The following ELF2 variants were observed in gnomAD, a reference collection of about 807,000 sequenced individuals.
ELF2 encodes E74 like ETS transcription factor 2.
In ELF2, 11 loss-of-function variants were observed where a neutral mutation model predicts 54.8. That is an observed-to-expected ratio of 0.20 (90% CI 0.13 to 0.33). ELF2 has a LOEUF of 0.33. Ranked by LOEUF, ELF2 falls within the 10% of genes least tolerant of loss-of-function variation. The probability of loss-of-function intolerance (pLI) is 1.00; values close to 1 mark genes in which losing one functional copy is unlikely to be tolerated. For synonymous variants in ELF2, 203 were observed against 245.1 expected, an observed-to-expected ratio of 0.83 and a Z score of 1.61; for missense variants, 513 against 703.0, an observed-to-expected ratio of 0.73 and a Z score of 3.06.
At chr4:139,118,585 A>T (rs2148824135) in intron 4 of ELF2, among the ~76,000 whole-genome samples, 1 of 152,336 alleles carries the variant, frequency 6.6e-6, no homozygotes, top group South Asian at 2.1e-4. Flanking sequence ...CCGAAATCTG[A>T]TAAAGAGCTT....
At chr4:139,078,597 T>A (rs1730645851) in intron 4 of ELF2, among the ~76,000 whole-genome samples, 1 of 150,256 alleles carries the variant, frequency 6.7e-6, no homozygotes, top group Non-Finnish European at 1.5e-5. Flanking sequence ...TTTTACACTC[T>A]CGGAGGGGGA....
chr4:139,157,214 G>C (rs1402371694), intron 1 of ELF2, among the ~76,000 whole-genome samples: 2 of 152,156 alleles, frequency 1.3e-5, no homozygotes, highest in East Asian at 3.8e-4. Context: ...ACAATGGAAA[G>C]TATTTGTGTA....
intron 4 of ELF2, among the ~76,000 whole-genome samples, chr4:139,082,185 A>C (rs574705631): frequency 3.9e-4 from 60 of 152,324 alleles, no homozygotes; most frequent in African/African-American, 1.4e-3. Context: ...TTTGATGCAA[A>C]GGCATTCTAA....
intron 4 of ELF2, among the ~76,000 whole-genome samples, chr4:139,120,154 C>G (rs2148826106): frequency 6.6e-6 from 1 of 152,334 alleles, no homozygotes; most frequent in African/African-American, 2.4e-5. Flanking sequence ...TATTACCAAA[C>G]TTATCTGCTT....
At chr4:139,101,954 C>T (rs1176900556) in intron 4 of ELF2, 1 of 150,352 alleles carries the variant, frequency 6.7e-6, no homozygotes, top group Non-Finnish European at 1.5e-5. Flanking sequence ...TAGATACTAA[C>T]TATAGACCAA....
intron 6 of ELF2, among the ~76,000 whole-genome samples, chr4:139,069,844 A>G (rs1168461953): frequency 1.4e-5 from 2 of 146,316 alleles, no homozygotes; most frequent in African/African-American, 2.4e-5. Context: ...GAATGGTTAC[A>G]TGTATTTTTT....
At chr4:139,172,882 CGGGGGGGGGGGGGG>C (rs59019279) in intron 1 of ELF2, among the ~76,000 whole-genome samples, 17 of 51,214 alleles carry the variant, frequency 3.3e-4, no homozygotes, top group South Asian at 1.3e-3. Context: ...ACACAGATAA[CGGGGGGGGGGGGGG>C]GGGGGGGGGC....
rs994639154 is a variant in ELF2, at chr4:139,092,714, T to G, written c.239-19147A>C. On this transcript the variant is annotated intron_variant, in intron 4 of 9. Transcript: ENST00000686138. ...TACTCGGGAGGCTGAGGCAGAAGAA[T>G]GGCGTGAACCTGGGAGGCGGAGCTT... Among the ~76,000 whole-genome samples, 5 of 151,824 alleles carry G rather than the reference T, an allele frequency of 3.3e-5. No individual in the cohort carries two copies. The East Asian group carries it at 5.9e-4, about 18-fold the overall frequency.
At chr4:139,124,616 T>C (rs1736720953) in intron 4 of ELF2, among the ~76,000 whole-genome samples, 1 of 152,168 alleles carries the variant, frequency 6.6e-6, no homozygotes. Flanking sequence ...GAATTATAGA[T>C]ACTAATCTCC....
chr4:139,076,668 GT>G (rs756033561), intron 4 of ELF2, among the ~76,000 whole-genome samples: 4 of 151,888 alleles, frequency 2.6e-5, no homozygotes, highest in Admixed American at 1.3e-4. Flanking sequence ...AATTTTACCA[GT>G]TTTTTTAATG....
intron 7 of ELF2, among the ~76,000 whole-genome samples, chr4:139,064,238 G>A (rs1298089322): frequency 1.3e-5 from 2 of 152,222 alleles, no homozygotes; most frequent in African/African-American, 4.8e-5. Flanking sequence ...AACCCAGGAG[G>A]CGGATGTTGC....
intron 4 of ELF2, among the ~76,000 whole-genome samples, chr4:139,081,002 CTTATT>C: frequency 6.7e-6 from 1 of 150,046 alleles, no homozygotes; most frequent in Non-Finnish European, 1.5e-5. Flanking sequence ...TTCCAAGCCA[CTTATT>C]TTAGAGCTTT....
intron 1 of ELF2, among the ~76,000 whole-genome samples, chr4:139,168,899 A>G (rs1017402067): frequency 2.6e-5 from 4 of 152,228 alleles, no homozygotes; most frequent in East Asian, 1.9e-4. Context: ...AAGGGGGAAA[A>G]GTGAAAGTTG....
intron 4 of ELF2, chr4:139,115,297 T>C (rs1352207409): frequency 3.8e-6 from 6 of 1,587,826 alleles, no homozygotes; most frequent in Non-Finnish European, 5.1e-6. Context: ...AGTAGACGCG[T>C]GGTCCTGGGC....
At position 139,074,265 on chromosome 4, in the gene ELF2, G is replaced by A. The variant is rs534902078; in HGVS notation, c.239-698C>T. On this transcript the variant is annotated intron_variant, in intron 4 of 9. Transcript: ENST00000686138. ...TTGTGGGAAGGGAGGAAGGGTCAGG[G>A]AGAGGCTGGTTGTAGATTAAAAACC... Among the ~76,000 whole-genome samples the A allele has an allele frequency of 2.0e-5, 3 of 152,312 alleles. No individual in the cohort carries two copies. In the South Asian group the frequency reaches 6.2e-4, roughly 32 times the overall value.
At chr4:139,093,896 CTTTTT>C in intron 4 of ELF2, among the ~76,000 whole-genome samples, 1 of 83,510 alleles carries the variant, frequency 1.2e-5, no homozygotes, top group South Asian at 4.7e-4. Context: ...TGACTAACAT[CTTTTT>C]TTTTTTTTTT....
Position 139,067,764 on chromosome 4 carries a change from C to T in ELF2, c.533G>A (p.Arg178His), listed in dbSNP as rs374292731. Residue 178 changes from arginine to histidine, a missense_variant, in exon 7 of 10, where the codon CGT becomes CAT. Coordinates refer to ENST00000686138, the MANE Select transcript of ELF2 (RefSeq NM_001331036.3). Reference sequence around the variant, plus strand: ...TGGTGATTGCTGGGTCTTTGGTTTACGGCCAACTGAAAAAATAAGATATTG... The same window carrying T: ...TGGTGATTGCTGGGTCTTTGGTTTATGGCCAACTGAAAAAATAAGATATTG... ...HEPMKKKKVG[R>H]KPKTQQSPIS... The T allele has an allele frequency of 2.5e-6, 4 of 1,576,510 alleles. No homozygotes were observed. Among genetic ancestry groups the T allele is most frequent in the Non-Finnish European group, 3.5e-6 (4 of 1,156,168 alleles).
intron 1 of ELF2, among the ~76,000 whole-genome samples, chr4:139,173,343 A>C (rs1435051159): frequency 2.0e-5 from 3 of 152,222 alleles, no homozygotes; most frequent in Non-Finnish European, 4.4e-5. Flanking sequence ...ATCTACACAA[A>C]AACATGAATA....
Position 139,058,425 on chromosome 4 carries a change from AT to A in ELF2, c.*557del, listed in dbSNP as rs1727334787. ...TATGTATGTATATATATATATATAT[AT>A]ATATAAAATCGCACTAGATCTTTTT... On this transcript the variant is annotated 3_prime_UTR_variant, in exon 10 of 10. Coordinates refer to ENST00000686138, the MANE Select transcript of ELF2 (RefSeq NM_001331036.3). The A allele has an allele frequency of 6.7e-6, 1 of 148,696 alleles. No individual in the cohort carries two copies. Among genetic ancestry groups the A allele is most frequent in the African/African-American group, 2.5e-5 (1 of 40,740 alleles). The allele number at this position is 148,696 out of a possible 1,614,324, so 9.2% of individuals were successfully genotyped here.
Sources: gnomAD v4.1 joint callset for allele counts (sites outside exome capture counted in the v4.1 genomes callset) on GRCh38, gnomAD v4.1.1 for gene constraint, MANE v1.5 for transcripts, NCBI Gene and HGNC (gene_info 2026-07-23, HGNC 2026-07-21) for gene names.